The following EPHB1 variants were observed in gnomAD, a reference collection of about 807,000 sequenced individuals.
EPHB1 encodes the protein EPH receptor B1, also known as ephrin type-B receptor 1.
A neutral mutation model predicts 94.4 loss-of-function variants in EPHB1; 30 were observed. The ratio of observed to expected loss-of-function variants is 0.32; its 90% confidence interval spans 0.24 to 0.43. EPHB1 has a LOEUF of 0.43. Among genes scored for constraint, EPHB1 ranks in the 20% least tolerant of loss-of-function variants. EPHB1 has a pLI of 1.00. For synonymous variants in EPHB1, 522 were observed against 489.1 expected, an observed-to-expected ratio of 1.07 and a Z score of -0.89; for missense variants, 1,055 against 1,308.3, an observed-to-expected ratio of 0.81 and a Z score of 2.99.
intron 3 of EPHB1, among the ~76,000 whole-genome samples, chr3:135,073,157 T>A (rs9680984): frequency 0.039 from 5,917 of 152,150 alleles, 166 homozygotes; most frequent in East Asian, 0.14. Context: ...AATTCTACTA[T>A]TTGAGTATTT....
At chr3:134,810,460 C>T (rs938853218) in intron 1 of EPHB1, among the ~76,000 whole-genome samples, 11 of 152,140 alleles carry the variant, frequency 7.2e-5, no homozygotes, top group African/African-American at 1.9e-4. Context: ...AAATGGAAGA[C>T]GCTATTCAGG....
intron 10 of EPHB1, among the ~76,000 whole-genome samples, chr3:135,190,533 A>G (rs1171812458): frequency 6.6e-6 from 1 of 152,230 alleles, no homozygotes; most frequent in Non-Finnish European, 1.5e-5. Context: ...ACATGCATAC[A>G]TATATCTAGA....
At chr3:134,952,130 G>T (rs1251272041) in intron 3 of EPHB1, 78 bp downstream of exon 3, 25 of 1,444,908 alleles carry the variant, frequency 1.7e-5, no homozygotes, top group South Asian at 1.2e-4. Flanking sequence ...ATAATTCTGG[G>T]TCATACAGGA....
chr3:135,218,635 C>G (rs1355859956), intron 12 of EPHB1, among the ~76,000 whole-genome samples: 1 of 152,354 alleles, frequency 6.6e-6, no homozygotes, highest in Middle Eastern at 3.4e-3. Context: ...CACCTGGGTG[C>G]AGGCCCATGC....
At chr3:134,799,202 C>T (rs1480692814) in intron 1 of EPHB1, among the ~76,000 whole-genome samples, 1 of 152,182 alleles carries the variant, frequency 6.6e-6, no homozygotes, top group African/African-American at 2.4e-5. Context: ...ATTTCCATTA[C>T]ACGTTTGTGG....
intron 1 of EPHB1, among the ~76,000 whole-genome samples, chr3:134,809,763 T>A (rs1390550714): frequency 6.6e-6 from 1 of 152,218 alleles, no homozygotes; most frequent in Non-Finnish European, 1.5e-5. Flanking sequence ...CATGCAGACT[T>A]CTGAGCAACC....
intron 1 of EPHB1, among the ~76,000 whole-genome samples, chr3:134,891,170 A>T (rs924232186): frequency 2.0e-5 from 3 of 152,134 alleles, no homozygotes; most frequent in African/African-American, 7.2e-5. Flanking sequence ...CAATGACATG[A>T]TCTTGGCCTA....
intron 3 of EPHB1, among the ~76,000 whole-genome samples, chr3:135,078,968 A>T (rs1304906052): frequency 1.3e-5 from 2 of 152,108 alleles, no homozygotes; most frequent in East Asian, 3.9e-4. Context: ...TTGGGATAAG[A>T]GTTCTTGTGA....
At chr3:134,992,012 T>A (rs1173755900) in intron 3 of EPHB1, among the ~76,000 whole-genome samples, 1 of 152,164 alleles carries the variant, frequency 6.6e-6, no homozygotes, top group Non-Finnish European at 1.5e-5. Flanking sequence ...CCATAATCCT[T>A]CTCTACCTGC....
chr3:135,240,808 G>A (rs1267531225), intron 12 of EPHB1, among the ~76,000 whole-genome samples: 2 of 152,098 alleles, frequency 1.3e-5, no homozygotes, highest in Non-Finnish European at 2.9e-5. Flanking sequence ...TGTTTCTCAT[G>A]TAGCCAATCT....
chr3:134,964,214 G>C (rs1338673909), intron 3 of EPHB1, among the ~76,000 whole-genome samples: 1 of 152,318 alleles, frequency 6.6e-6, no homozygotes, highest in African/African-American at 2.4e-5. Flanking sequence ...AGGGACCTCC[G>C]AAGAAACTGG....
rs116643860 is a variant in EPHB1, at chr3:135,246,911, C to T, written c.2497-1405C>T. The stretch of plus-strand genomic sequence containing the variant: ...ATCTCATGTCCTATCTCATGTCCTA[C>T]ATACTATGCATAGAAACTGTAAAAA... On this transcript the variant is annotated intron_variant, in intron 13 of 15. Transcript: ENST00000398015. Among the ~76,000 whole-genome samples, 1,439 of 152,264 alleles carry T rather than the reference C, an allele frequency of 9.5e-3. 23 individuals are homozygous for T. Among genetic ancestry groups the T allele is most frequent in the African/African-American group, 0.033 (1,359 of 41,534 alleles).
intron 3 of EPHB1, among the ~76,000 whole-genome samples, chr3:135,105,380 G>A (rs1326628803): frequency 6.6e-6 from 1 of 152,190 alleles, no homozygotes; most frequent in Non-Finnish European, 1.5e-5. Context: ...AAGTTGACCA[G>A]TCAGTAGGTT....
At chr3:135,052,643 C>T (rs927097742) in intron 3 of EPHB1, among the ~76,000 whole-genome samples, 5 of 151,008 alleles carry the variant, frequency 3.3e-5, no homozygotes, top group East Asian at 2.0e-4. Context: ...GGGCGGATCA[C>T]GAGGTCAGGA....
intron 1 of EPHB1, among the ~76,000 whole-genome samples, chr3:134,821,921 A>G (rs1347355962): frequency 1.3e-5 from 2 of 152,182 alleles, no homozygotes; most frequent in Non-Finnish European, 2.9e-5. Context: ...TTGAGGTCAC[A>G]CACCAAGTGG....
intron 3 of EPHB1, among the ~76,000 whole-genome samples, chr3:135,031,083 C>T (rs1039218877): frequency 2.6e-5 from 4 of 152,168 alleles, no homozygotes; most frequent in Non-Finnish European, 1.5e-5. Context: ...TGCTTTGGCT[C>T]GTGCACGGTG....
intron 3 of EPHB1, chr3:134,977,925 G>A (rs905886862): frequency 6.6e-6 from 3 of 454,530 alleles, no homozygotes; most frequent in African/African-American, 6.0e-5. Context: ...ATGGAAGGAG[G>A]CACTTGCCTG....
chr3:134,897,169 G>A (rs2038103027), intron 1 of EPHB1, among the ~76,000 whole-genome samples: 1 of 152,336 alleles, frequency 6.6e-6, no homozygotes, highest in East Asian at 1.9e-4. Context: ...TTATCTTCTT[G>A]GTCAGCACAT....
intron 2 of EPHB1, among the ~76,000 whole-genome samples, chr3:134,943,536 C>T (rs1327672961): frequency 6.6e-6 from 1 of 152,134 alleles, no homozygotes; most frequent in Non-Finnish European, 1.5e-5. Context: ...ACTTGGGGAG[C>T]ATTTTTGGCC....
Sources: gnomAD v4.1 joint callset for allele counts (sites outside exome capture counted in the v4.1 genomes callset) on GRCh38, gnomAD v4.1.1 for gene constraint, MANE v1.5 for transcripts, NCBI Gene and HGNC (gene_info 2026-07-23, HGNC 2026-07-21) for gene names.